Variants in REELD1 observed in about 807,000 individuals in gnomAD.
REELD1 encodes reeler domain containing 1, also known as reelin domain-containing protein 1.
In REELD1, 12 loss-of-function variants were observed where a neutral mutation model predicts 6.3. That is an observed-to-expected ratio of 1.89 (90% confidence interval 1.21 to 3.07). REELD1 has a LOEUF of 3.07. Among genes scored for constraint, REELD1 ranks in the 30% most tolerant of loss-of-function variants. The pLI, the probability that REELD1 is intolerant of heterozygous loss-of-function variation, is 0.00. For synonymous variants in REELD1, 57 were observed against 33.6 expected, an observed-to-expected ratio of 1.70 and a Z score of -2.42; for missense variants, 163 against 86.8, an observed-to-expected ratio of 1.88 and a Z score of -3.49.
At chr4:146,229,244 T>C (rs1731083117) in intron 7 of REELD1, among the ~76,000 whole-genome samples, 156 bp downstream of exon 7, 1 of 152,212 alleles carries the variant, frequency 6.6e-6, no homozygotes, top group Non-Finnish European at 1.5e-5. Flanking sequence ...TACTAATCAA[T>C]ACCTTTCCAT....
Position 146,225,889 on chromosome 4 carries a change from C to T in REELD1, c.595+1281C>T, listed in dbSNP as rs575513892. Among the ~76,000 whole-genome samples the T allele has an allele frequency of 3.9e-5, 6 of 152,228 alleles. No individual in the cohort carries two copies. The East Asian group carries it at 9.7e-4, about 25-fold the overall frequency. ...TGCCCACATTCCTCTCCTTCTGGCCCCAGCCTGTCTTCCCCATTTGTTCCA... is the reference window on the plus strand; with the variant it reads ...TGCCCACATTCCTCTCCTTCTGGCCTCAGCCTGTCTTCCCCATTTGTTCCA... On this transcript the variant is annotated intron_variant, in intron 5 of 7. Coordinates refer to ENST00000623665, the MANE Select transcript of REELD1 (RefSeq NM_001354631.1).
intron 4 of REELD1, among the ~76,000 whole-genome samples, chr4:146,223,608 G>T (rs188769264): frequency 6.6e-6 from 1 of 152,182 alleles, no homozygotes; most frequent in African/African-American, 2.4e-5. Flanking sequence ...TAGTTGCTGC[G>T]TGCCACATAG....
chr4:146,222,174 A>G (rs1206683715), intron 3 of REELD1, among the ~76,000 whole-genome samples, 183 bp from the exon 4 acceptor site: 1 of 152,180 alleles, frequency 6.6e-6, no homozygotes, highest in African/African-American at 2.4e-5. Flanking sequence ...TCATTTTCGC[A>G]TAACTTTGAT....
intron 3 of REELD1, among the ~76,000 whole-genome samples, chr4:146,219,117 A>T (rs1321775546): frequency 1.3e-5 from 2 of 152,258 alleles, no homozygotes; most frequent in Non-Finnish European, 2.9e-5. Context: ...GCCCCACTGC[A>T]CTCCAGCCTG....
chr4:146,230,417 G>T lies in REELD1; in HGVS notation c.1485G>T (p.Val495=). The change falls in exon 8 of 8, where the codon GTG becomes GTT. Residue 495 remains valine, a synonymous_variant. Coordinates refer to ENST00000623665, the MANE Select transcript of REELD1 (RefSeq NM_001354631.1). ...CCAGGAGCAACAGTGGTGAGACTGT[G>T]CACGTCAGGAAGATTGGGGAGAACA... is the stretch of plus-strand genomic sequence containing the variant. The part of the protein sequence containing the change: ...AVARSNSGET[V]HVRKIGENSF... 2.5e-6 allele frequency: 1 copy of T among 398,738 alleles called. No homozygotes were observed. The allele number at this position is 398,738 out of a possible 1,614,324, so 24.7% of individuals were successfully genotyped here.
rs561518458 is a variant in REELD1 at position 146,224,295 on chromosome 4, T to C, written c.432-150T>C. 1.2e-5 allele frequency: 5 copies of C among 417,036 alleles called. No homozygotes were observed. In the South Asian group the frequency reaches 2.9e-4, roughly 24 times the overall value. The allele number at this position is 417,036 out of a possible 1,614,324, so 25.8% of individuals were successfully genotyped here. On this transcript the variant is annotated intron_variant, in intron 4 of 7. Transcript: ENST00000623665. ...AAGAATGAAGTCACTCAAAGAGTAATAATATAATCTCTCTCTCTCATTCTG... is the reference window on the plus strand; with the variant it reads ...AAGAATGAAGTCACTCAAAGAGTAACAATATAATCTCTCTCTCTCATTCTG...
rs943083704 is a variant in REELD1, at chr4:146,224,579, G to A, written c.566G>A (p.Arg189Lys). Reference protein sequence around the residue: ...PRLLMPNLHQRLGDVEGAAPA... With the variant: ...PRLLMPNLHQKLGDVEGAAPA... Reference sequence around the variant, plus strand: ...TTGCTGATGCCAAACCTTCACCAGAGGCTGGGCGATGTTGAAGGAGCTGCT... The same window carrying A: ...TTGCTGATGCCAAACCTTCACCAGAAGCTGGGCGATGTTGAAGGAGCTGCT... The change falls in exon 5 of 8, where the codon AGG becomes AAG. Residue 189 changes from arginine to lysine, a missense_variant. By Grantham distance (26) the Arg-to-Lys change is conservative (BLOSUM62 2). Coordinates refer to ENST00000623665, the MANE Select transcript of REELD1 (RefSeq NM_001354631.1). 2 of 702,248 alleles carry A rather than the reference G, an allele frequency of 2.8e-6. No homozygotes were observed. The highest frequency in any genetic ancestry group is 4.0e-5 in the Admixed American group (2 of 50,012). 43.5% of individuals were successfully genotyped at this position (702,248 alleles called of 1,614,324 possible).
intron 1 of REELD1, among the ~76,000 whole-genome samples, 185 bp from the exon 2 acceptor site, chr4:146,214,891 A>G (rs1315629081): frequency 6.6e-6 from 1 of 152,048 alleles, no homozygotes; most frequent in Non-Finnish European, 1.5e-5. Context: ...GCTAGTGGGA[A>G]AGAAGACACA....
At chr4:146,229,312 G>T (rs1038031665) in intron 7 of REELD1, among the ~76,000 whole-genome samples, 4 of 152,182 alleles carry the variant, frequency 2.6e-5, no homozygotes, top group African/African-American at 9.7e-5. Flanking sequence ...TTAGTGACTT[G>T]TCTTCTCACT....
intron 5 of REELD1, among the ~76,000 whole-genome samples, chr4:146,227,255 G>T (rs1242306275): frequency 1.3e-5 from 2 of 152,182 alleles, no homozygotes. Context: ...CTATCAGTTT[G>T]CCATGTTCTG....
chr4:146,226,771 G>GATTA (rs1480840233), intron 5 of REELD1, among the ~76,000 whole-genome samples: 2 of 152,132 alleles, frequency 1.3e-5, no homozygotes, highest in African/African-American at 2.4e-5. Context: ...GGTATTAATT[G>GATTA]ATTAATTAAT....
At chr4:146,218,862 A>G (rs1257657332) in intron 3 of REELD1, among the ~76,000 whole-genome samples, 2 of 152,098 alleles carry the variant, frequency 1.3e-5, no homozygotes, top group African/African-American at 2.4e-5. Flanking sequence ...TCAAAACACT[A>G]TGTCAGCCAG....
intron 5 of REELD1, 37 bp downstream of exon 5, chr4:146,224,645 A>T: frequency 1.4e-6 from 1 of 698,088 alleles, no homozygotes; most frequent in Non-Finnish European, 2.6e-6. Context: ...GCTGGTTGTC[A>T]TCATTATTTT....
chr4:146,226,301 C>T (rs1026923484), intron 5 of REELD1, among the ~76,000 whole-genome samples: 1 of 152,186 alleles, frequency 6.6e-6, no homozygotes, highest in Non-Finnish European at 1.5e-5. Flanking sequence ...CACAACAGTT[C>T]TCTGCGTCTT....
chr4:146,228,158 T>G, intron 5 of REELD1, 52 bp from the exon 6 acceptor site: 1 of 670,108 alleles, frequency 1.5e-6, no homozygotes, highest in Non-Finnish European at 2.7e-6. Context: ...TAACAATCGA[T>G]GCGGGGAAAA....
intron 3 of REELD1, among the ~76,000 whole-genome samples, chr4:146,219,830 AT>A (rs1730889011): frequency 6.6e-6 from 1 of 152,250 alleles, no homozygotes; most frequent in Admixed American, 6.5e-5. Context: ...GAGATCTCAA[AT>A]TAATATAATC....
Position 146,230,493 on chromosome 4 carries a change from A to G in REELD1, c.1561A>G (p.Ser521Gly). 1 of 398,726 alleles carries G rather than the reference A, an allele frequency of 2.5e-6. No individual in the cohort carries two copies. The highest frequency in any genetic ancestry group is 4.4e-6 in the Non-Finnish European group (1 of 226,130). The allele number at this position is 398,726 out of a possible 1,614,324, so 24.7% of individuals were successfully genotyped here. A position where few individuals can be genotyped will look rare whatever the true frequency, so the allele number is the denominator to read the frequency against. The stretch of plus-strand genomic sequence containing the variant: ...CAACTGGATCACTCCTTCTGTGGGT[A>G]GCAAGAAAACAGTCCTCTGAGAAGA... ...EYNWITPSVG[S>G]KKTVL Residue 521 changes from serine (S) to glycine (G), a missense_variant, in exon 8 of 8, where the codon AGC becomes GGC. Transcript: ENST00000623665.
intron 5 of REELD1, among the ~76,000 whole-genome samples, chr4:146,225,028 G>C (rs140494238): frequency 6.6e-6 from 1 of 152,124 alleles, no homozygotes; most frequent in Admixed American, 6.6e-5. Flanking sequence ...TCATAAAAAC[G>C]CATCCAGTTT....
intron 5 of REELD1, among the ~76,000 whole-genome samples, chr4:146,226,279 T>C (rs1156786621): frequency 2.0e-5 from 3 of 152,214 alleles, no homozygotes; most frequent in African/African-American, 2.4e-5. Context: ...TTCCTCAAAC[T>C]GGACTGTTCC....
Sources: gnomAD v4.1 joint callset for allele counts (sites outside exome capture counted in the v4.1 genomes callset) on GRCh38, gnomAD v4.1.1 for gene constraint, MANE v1.5 for transcripts, NCBI Gene and HGNC (gene_info 2026-07-23, HGNC 2026-07-21) for gene names.